DLGAP2: variants seen among roughly 807,000 people sequenced by gnomAD.
The protein encoded by DLGAP2 is disks large-associated protein 2.
In DLGAP2, 26 loss-of-function variants were observed where a neutral mutation model predicts 100.3. The observed-to-expected ratio is 0.26, with a 90% CI of 0.19 to 0.36. The LOEUF (loss-of-function observed/expected upper bound fraction) is 0.36, where lower values mean the gene tolerates loss of function less well. Among genes scored for constraint, DLGAP2 ranks in the 10% least tolerant of loss-of-function variants. The pLI, the probability that DLGAP2 is intolerant of heterozygous loss-of-function variation, is 1.00. For missense variants in DLGAP2, 1,858 were observed against 1,453.2 expected (o/e 1.28, Z -4.53); for synonymous variants, 886 against 630.1 (o/e 1.41, Z -6.08).
rs150316928 is a variant in DLGAP2 at position 1,702,499 on chromosome 8, G to T, written c.*1093G>T. ...TAAAGAAGAAATGTAGTTTACATTT[G>T]TATTTTTCCAGAATTCTTTTGTCCT... On this transcript the variant is annotated 3_prime_UTR_variant, in exon 15 of 15. Transcript: ENST00000637795. The T allele has an allele frequency of 6.6e-6, 1 of 152,506 alleles. No individual in the cohort carries two copies. The highest frequency in any genetic ancestry group is 1.5e-5 in the Non-Finnish European group (1 of 68,012). The allele number at this position is 152,506 out of a possible 1,614,324, so 9.4% of individuals were successfully genotyped here.
In DLGAP2 at chr8:1,195,728, T is replaced by A. The variant is rs549038929; in HGVS notation, c.74-63123T>A. On this transcript the variant is annotated intron_variant, in intron 2 of 14. Coordinates refer to ENST00000637795, the MANE Select transcript of DLGAP2 (RefSeq NM_001346810.2). Reference sequence around the variant, plus strand: ...TGTGTTGTATGTCAGAACGTTTGTTTAATTTTAGTTACACAGATAATCGCA... The same window carrying A: ...TGTGTTGTATGTCAGAACGTTTGTTAAATTTTAGTTACACAGATAATCGCA... Among the ~76,000 whole-genome samples, 27 of 152,340 alleles carry A rather than the reference T, an allele frequency of 1.8e-4. 1 individual carries two copies. The highest frequency in any genetic ancestry group is 5.8e-4 in the African/African-American group (24 of 41,578).
intron 3 of DLGAP2, among the ~76,000 whole-genome samples, chr8:1,308,779 C>T (rs1421374467): frequency 6.6e-6 from 1 of 152,224 alleles, no homozygotes. Context: ...CCCGCCTCAG[C>T]CTCCCCAAGT....
intron 2 of DLGAP2, among the ~76,000 whole-genome samples, chr8:909,662 A>T (rs1370012513): frequency 6.6e-6 from 1 of 152,144 alleles, no homozygotes; most frequent in Non-Finnish European, 1.5e-5. Flanking sequence ...TATAGTATAG[A>T]ATGTTTCACT....
chr8:1,121,181 C>G (rs1796036523), intron 2 of DLGAP2, among the ~76,000 whole-genome samples: 1 of 148,320 alleles, frequency 6.7e-6, no homozygotes, highest in African/African-American at 2.5e-5. Context: ...GATCCCATGA[C>G]CACCCGTCCT....
chr8:818,991 A>G (rs551824865), intron 1 of DLGAP2, among the ~76,000 whole-genome samples: 3 of 152,382 alleles, frequency 2.0e-5, no homozygotes, highest in African/African-American at 7.2e-5. Context: ...CAGATATTTT[A>G]TAGGTAAACT....
intron 2 of DLGAP2, among the ~76,000 whole-genome samples, chr8:1,099,623 A>G: frequency 6.6e-6 from 1 of 152,216 alleles, no homozygotes; most frequent in East Asian, 1.9e-4. Flanking sequence ...GAAGCTTTGA[A>G]GCTTCAGAGG....
rs761062332 is a variant in DLGAP2 at position 1,548,646 on chromosome 8, C to G, written c.193C>G (p.Pro65Ala). 2.6e-6 allele frequency: 4 copies of G among 1,560,548 alleles called. No individual in the cohort carries two copies. The South Asian group carries it at 4.7e-5, about 18-fold the overall frequency. The change falls in exon 5 of 15, where the codon CCC becomes GCC. Residue 65 changes from proline to alanine, a missense_variant. Physicochemically the swap from Pro to Ala is conservative, Grantham distance 27. Coordinates refer to ENST00000637795, the MANE Select transcript of DLGAP2 (RefSeq NM_001346810.2). ...EDLDPQYSWSPTQHFNEERYS... is the reference protein window; with the variant it reads ...EDLDPQYSWSATQHFNEERYS... The stretch of plus-strand genomic sequence containing the variant: ...CACAGACCCGCAGTACTCATGGTCG[C>G]CCACGCAGCACTTCAATGAGGAGCG...
chr8:793,215 T>G (rs1487298453), intron 1 of DLGAP2, among the ~76,000 whole-genome samples: 2 of 152,218 alleles, frequency 1.3e-5, no homozygotes, highest in East Asian at 3.8e-4. Context: ...TTAGAATCCT[T>G]GAATGTCTAA....
chr8:927,659 G>A (rs937847652), intron 2 of DLGAP2, among the ~76,000 whole-genome samples: 1 of 152,138 alleles, frequency 6.6e-6, no homozygotes, highest in African/African-American at 2.4e-5. Flanking sequence ...GGTTGTTGTC[G>A]GCTGTCATAC....
At chr8:1,371,656 T>G (rs1389918124) in intron 3 of DLGAP2, among the ~76,000 whole-genome samples, 3 of 152,220 alleles carry the variant, frequency 2.0e-5, no homozygotes, top group Non-Finnish European at 2.9e-5. Flanking sequence ...GATGTTGAAA[T>G]TTGAGGTGAA....
intron 2 of DLGAP2, among the ~76,000 whole-genome samples, chr8:1,150,774 G>C (rs560308082): frequency 1.3e-5 from 2 of 152,114 alleles, no homozygotes; most frequent in Non-Finnish European, 2.9e-5. Flanking sequence ...CAAAAACATA[G>C]ATGAGTTCTT....
At chr8:837,064 C>T (rs955210848) in intron 1 of DLGAP2, among the ~76,000 whole-genome samples, 1 of 152,236 alleles carries the variant, frequency 6.6e-6, no homozygotes, top group Admixed American at 6.5e-5. Flanking sequence ...AGTCCTATCT[C>T]GACCACGTCC....
intron 3 of DLGAP2, among the ~76,000 whole-genome samples, chr8:1,437,819 A>G: frequency 7.0e-6 from 1 of 143,568 alleles, no homozygotes; most frequent in Admixed American, 6.8e-5. Context: ...AATACAAAAA[A>G]AAAAAAAAAA....
chr8:1,263,675 C>T (rs1385806931), intron 3 of DLGAP2, among the ~76,000 whole-genome samples: 1 of 151,984 alleles, frequency 6.6e-6, no homozygotes, highest in Non-Finnish European at 1.5e-5. Context: ...CATTTTAAGA[C>T]CTCTTAACAA....
At position 1,706,489 on chromosome 8, in the gene DLGAP2, G is replaced by GAGAT. The variant is rs1799708852; in HGVS notation, c.*5085_*5088dup. 3 of 152,206 alleles carry GAGAT rather than the reference G, an allele frequency of 2.0e-5. No individual in the cohort carries two copies. Among genetic ancestry groups the GAGAT allele is most frequent in the Admixed American group, 2.0e-4 (3 of 15,282 alleles). The allele number at this position is 152,206 out of a possible 1,614,324, so 9.4% of individuals were successfully genotyped here. A position where few individuals can be genotyped will look rare whatever the true frequency, so the allele number is the denominator to read the frequency against. On this transcript the variant is annotated 3_prime_UTR_variant, in exon 15 of 15. Transcript: ENST00000637795. ...ATCCAGGCTGGTCGTAAACATCTCAGAGATAATCAGGGACCACCAGAGGCA... is the reference window on the plus strand; with the variant it reads ...ATCCAGGCTGGTCGTAAACATCTCAGAGATAGATAATCAGGGACCACCAGAGGCA...
At chr8:1,641,715 A>T (rs1797904341) in intron 8 of DLGAP2, among the ~76,000 whole-genome samples, 1 of 152,112 alleles carries the variant, frequency 6.6e-6, no homozygotes, top group Non-Finnish European at 1.5e-5. Flanking sequence ...GTAAGAAAGG[A>T]TTCCTAATTG....
intron 2 of DLGAP2, among the ~76,000 whole-genome samples, chr8:1,214,614 C>A (rs1260680929): frequency 1.3e-5 from 2 of 152,210 alleles, no homozygotes; most frequent in African/African-American, 4.8e-5. Context: ...ATTAATTGAT[C>A]ATGTGTCTGC....
Position 1,313,476 on chromosome 8 carries a change from G to A in DLGAP2, c.106+54593G>A, listed in dbSNP as rs1800658853. Among the ~76,000 whole-genome samples, 6 of 152,148 alleles carry A rather than the reference G, an allele frequency of 3.9e-5. No homozygotes were observed. In the South Asian group the frequency reaches 1.2e-3, roughly 32 times the overall value. On this transcript the variant is annotated intron_variant, in intron 3 of 14. Coordinates refer to ENST00000637795, the MANE Select transcript of DLGAP2 (RefSeq NM_001346810.2). ...CCCTATACTCCCCCCCTTAATTATG[G>A]AGAATGGTAAAGTCCGGAATTTTGA...
intron 5 of DLGAP2, among the ~76,000 whole-genome samples, chr8:1,554,092 A>C (rs989852730): frequency 6.6e-6 from 1 of 152,164 alleles, no homozygotes; most frequent in East Asian, 1.9e-4. Flanking sequence ...GTTCAAGACC[A>C]ACCTGGCCAA....
Sources: gnomAD v4.1 joint callset for allele counts (sites outside exome capture counted in the v4.1 genomes callset) on GRCh38, gnomAD v4.1.1 for gene constraint, MANE v1.5 for transcripts, NCBI Gene and HGNC (gene_info 2026-07-23, HGNC 2026-07-21) for gene names.